The following PAX6 variants were observed in gnomAD, a reference collection of about 807,000 sequenced individuals.
PAX6 encodes the protein paired box protein Pax-6.
A neutral mutation model predicts 60.7 loss-of-function variants in PAX6; 7 were observed. The ratio of observed to expected loss-of-function variants is 0.12; its 90% confidence interval spans 0.07 to 0.22. PAX6 has a LOEUF of 0.22. PAX6 is among the 10% of genes least tolerant of loss of function. PAX6 has a pLI of 1.00. For missense variants in PAX6, 355 were observed against 555.2 expected, an observed-to-expected ratio of 0.64 and a Z score of 3.62; for synonymous variants, 208 against 201.2, an observed-to-expected ratio of 1.03 and a Z score of -0.29.
chr11:31,799,022 C>A (rs1218293009), intron 8 of PAX6, among the ~76,000 whole-genome samples: 1 of 152,250 alleles, frequency 6.6e-6, no homozygotes, highest in Non-Finnish European at 1.5e-5. Flanking sequence ...CCCAAGACTT[C>A]TCGGACTAAG....
rs139644031 is a variant in PAX6, at chr11:31,817,644, C to T, written c.-317+165G>A. Among the ~76,000 whole-genome samples, 135 of 152,372 alleles carry T rather than the reference C, an allele frequency of 8.9e-4. No individual in the cohort carries two copies. In the Middle Eastern group the frequency reaches 0.01, roughly 12 times the overall value. ...GTCCCTCCTCCACCCCCCTTCCTATCCCTCCCTCAGTAACTCGCTTCCATC... is the reference window on the plus strand; with the variant it reads ...GTCCCTCCTCCACCCCCCTTCCTATTCCTCCCTCAGTAACTCGCTTCCATC... On this transcript the variant is annotated intron_variant, in intron 1 of 12. Coordinates refer to the PAX6 transcript ENST00000241001.
At chr11:31,816,534 G>C in intron 1 of PAX6, 1 of 702,586 alleles carries the variant, frequency 1.4e-6, no homozygotes, top group East Asian at 2.7e-5. Context: ...GGCTGGGTTT[G>C]ATTTATGACT....
intron 8 of PAX6, 117 bp from the exon 9 acceptor site, chr11:31,794,905 A>C (rs1275886239): frequency 1.1e-6 from 1 of 911,156 alleles, no homozygotes; most frequent in African/African-American, 1.6e-5. Flanking sequence ...TCACCAAAAC[A>C]TTCCCAAGGT....
intron 4 of PAX6, chr11:31,803,612 C>G (rs912122412): frequency 2.0e-5 from 3 of 152,350 alleles, no homozygotes; most frequent in Non-Finnish European, 2.9e-5. Flanking sequence ...AGTCAGAGCC[C>G]GGGCTCGGCT....
At chr11:31,811,738 G>T (rs182250403), upstream of PAX6, 465 of 81,066 alleles carry the variant, frequency 5.7e-3, 4 homozygotes, top group African/African-American at 0.02. Context: ...CCCCGCCCCC[G>T]CCCGCCCCCA....
chr11:31,803,519 G>A (rs1433600910), intron 4 of PAX6: 19 of 152,982 alleles, frequency 1.2e-4, no homozygotes, highest in Admixed American at 1.2e-3. Flanking sequence ...ATAGAAGAAG[G>A]AAGAGGAGAG....
intron 12 of PAX6, 158 bp from the exon 13 acceptor site, chr11:31,791,018 C>T (rs1433459151): frequency 2.4e-6 from 2 of 848,048 alleles, no homozygotes; most frequent in African/African-American, 3.3e-5. Context: ...TAAGATTGGG[C>T]CTCGAGCTAG....
At chr11:31,810,677 G>A (rs942523790) in intron 2 of PAX6, 151 bp downstream of exon 2, 2 of 396,580 alleles carry the variant, frequency 5.0e-6, no homozygotes, top group African/African-American at 2.1e-5. Context: ...GAAAGTTTGG[G>A]CTCCTGCGTG....
intron 2 of PAX6, chr11:31,810,580 T>C (rs1175498257): frequency 6.4e-6 from 2 of 310,336 alleles, no homozygotes; most frequent in Non-Finnish European, 5.9e-6. Context: ...GCGCTGGCGC[T>C]GGGGCTGAGC....
rs999588887 is a variant in PAX6, at chr11:31,806,547, G to A, written c.-51-85C>T. On this transcript the variant is annotated intron_variant, in intron 3 of 13. Coordinates refer to ENST00000640368, the MANE Select transcript of PAX6 (RefSeq NM_001368894.2). ...CCAACCGAGGTGGACCTGGGGCTAG[G>A]ACAGGAGAATCTCCGTTCTTTAGGA... is the stretch of plus-strand genomic sequence containing the variant. The A allele has an allele frequency of 1.2e-5, 12 of 1,032,112 alleles. No homozygotes were observed. In the African/African-American group the frequency reaches 1.9e-4, roughly 16 times the overall value. 63.9% of individuals were successfully genotyped at this position (1,032,112 alleles called of 1,614,324 possible).
chr11:31,806,765 G>T (rs916831087), intron 3 of PAX6, 84 bp downstream of exon 3: 2 of 309,984 alleles, frequency 6.5e-6, no homozygotes. Flanking sequence ...TCTTCTATCT[G>T]AACTATAGTG....
chr11:31,817,008 TC>T (rs1305550638), intron 1 of PAX6, among the ~76,000 whole-genome samples: 1 of 152,194 alleles, frequency 6.6e-6, no homozygotes, highest in East Asian at 1.9e-4. Flanking sequence ...AGGGGACACT[TC>T]CGGGCCCCGG....
chr11:31,802,053 C>A (rs1024009350), intron 5 of PAX6, 141 bp from the exon 6 acceptor site: 5 of 745,482 alleles, frequency 6.7e-6, no homozygotes, highest in African/African-American at 5.4e-5. Context: ...AATTTAAAAG[C>A]TTTTTTTAAA....
intron 8 of PAX6, among the ~76,000 whole-genome samples, chr11:31,797,136 T>C (rs1728596785): frequency 1.3e-5 from 2 of 151,618 alleles, no homozygotes; most frequent in South Asian, 4.2e-4. Flanking sequence ...TGTGCACATC[T>C]GGTATGGGGT....
chr11:31,813,397 G>T (rs572715511), upstream of PAX6, among the ~76,000 whole-genome samples: 1 of 105,408 alleles, frequency 9.5e-6, no homozygotes, highest in South Asian at 4.5e-4. Context: ...GGCGGGGGGG[G>T]GGGAAGTGAT....
chr11:31,803,207 C>T (rs913767275), intron 4 of PAX6: 2 of 309,408 alleles, frequency 6.5e-6, no homozygotes, highest in Non-Finnish European at 1.3e-5. Flanking sequence ...CAGCCATAAC[C>T]CCAGCAGTGT....
chr11:31,806,318 G>C (rs981254136), intron 4 of PAX6, 84 bp downstream of exon 4: 1 of 1,494,488 alleles, frequency 6.7e-7, no homozygotes, highest in Non-Finnish European at 9.1e-7. Context: ...GCCAGCGCGG[G>C]CGTCGCGAGT....
intron 1 of PAX6, among the ~76,000 whole-genome samples, chr11:31,817,635 C>G (rs949007452): frequency 7.2e-5 from 11 of 152,240 alleles, no homozygotes; most frequent in Admixed American, 4.6e-4. Flanking sequence ...CCTCCACCCC[C>G]CTTCCTATCC....
chr11:31,796,145 A>G (rs1321647721), intron 8 of PAX6, among the ~76,000 whole-genome samples: 1 of 152,142 alleles, frequency 6.6e-6, no homozygotes, highest in Admixed American at 6.5e-5. Flanking sequence ...TGGCCACCAT[A>G]TGGGCCCTTG....
Sources: allele counts gnomAD v4.1 joint callset (sites outside exome capture counted in the v4.1 genomes callset), GRCh38; gene constraint gnomAD v4.1.1; transcripts MANE v1.5; gene names NCBI Gene and HGNC (gene_info 2026-07-23, HGNC 2026-07-21).